BCL11B: variants seen among roughly 807,000 people sequenced by gnomAD.
BCL11B encodes BCL11 transcription factor B.
In BCL11B, 8 loss-of-function variants were observed where a neutral mutation model predicts 49.9. That is an observed-to-expected ratio of 0.16 (90% confidence interval 0.09 to 0.29). The LOEUF is 0.29. Ranked by LOEUF, BCL11B falls within the 10% of genes least tolerant of loss-of-function variation. The probability of loss-of-function intolerance (pLI) is 1.00; values close to 1 mark genes in which losing one functional copy is unlikely to be tolerated. For missense variants in BCL11B, 1,006 were observed against 1,351.0 expected, an observed-to-expected ratio of 0.74 and a Z score of 4.00; for synonymous variants, 739 against 637.4, an observed-to-expected ratio of 1.16 and a Z score of -2.40.
chr14:99,245,996 C>T (rs910196093), intron 2 of BCL11B, among the ~76,000 whole-genome samples: 1 of 152,142 alleles, frequency 6.6e-6, no homozygotes, highest in African/African-American at 2.4e-5. Context: ...CTGCAGAGTG[C>T]TCCGAGGAAG....
chr14:99,261,545 C>G (rs2139962788), intron 1 of BCL11B, among the ~76,000 whole-genome samples: 1 of 152,254 alleles, frequency 6.6e-6, no homozygotes, highest in East Asian at 1.9e-4. Flanking sequence ...CCAATGAAAA[C>G]AGTCTTTCAA....
At chr14:99,260,777 G>A (rs10146840) in intron 1 of BCL11B, among the ~76,000 whole-genome samples, 59,326 of 151,708 alleles carry the variant, frequency 0.39, 12,511 homozygotes, top group East Asian at 0.76. Flanking sequence ...GTCCAAAGCC[G>A]TTTGCTGTGC....
chr14:99,205,414 T>C lies in BCL11B; in HGVS notation c.640+25931A>G, dbSNP rs1887506509. On this transcript the variant is annotated intron_variant, in intron 3 of 3. Transcript: ENST00000357195. This position sits in a 1 kb window ranked among gnomAD's most constrained non-coding sequence, Gnocchi z 5.0. ...TGACGGTTTGGGAAAATTCGCGGAC[T>C]CTCCCAAAGCCTGCATCTCCCACTT... Among the ~76,000 whole-genome samples the C allele has an allele frequency of 1.3e-5, 2 of 152,190 alleles. No homozygotes were observed. The highest frequency in any genetic ancestry group is 4.1e-4 in the South Asian group (2 of 4,820).
At position 99,171,361 on chromosome 14, in the gene BCL11B, G is replaced by T; in HGVS notation, c.*2790C>A. 1 of 218,708 alleles carries T rather than the reference G, an allele frequency of 4.6e-6. No individual in the cohort carries two copies. The highest frequency in any genetic ancestry group is 9.1e-6 in the Non-Finnish European group (1 of 109,502). 13.5% of individuals were successfully genotyped at this position (218,708 alleles called of 1,614,324 possible). A position where few individuals can be genotyped will look rare whatever the true frequency, so the allele number is the denominator to read the frequency against. ...CTTAACATACAAATGTGTTTTTTTT[G>T]CAATATTTTATCCTGCCAAATTAAA... is the stretch of plus-strand genomic sequence containing the variant. On this transcript the variant is annotated 3_prime_UTR_variant, in exon 4 of 4. Transcript: ENST00000357195.
rs752034627 is a variant in BCL11B, at chr14:99,174,388, C to T, written c.2448G>A (p.Arg816=). 25 of 1,613,552 alleles carry T rather than the reference C, an allele frequency of 1.5e-5. No homozygotes were observed. The highest frequency in any genetic ancestry group is 2.2e-5 in the East Asian group (1 of 44,844). ...TGTAAGGCCGCTCGCCGGTGTGGCT[C>T]CGCCGGTGCACCGTCAAGTTGCTGC... ...KNCSNLTVHR[R]SHTGERPYKC... Residue 816 remains arginine, a synonymous_variant, in exon 4 of 4, where the codon CGG becomes CGA. Transcript: ENST00000357195.
At chr14:99,191,900 C>T (rs544775465) in intron 3 of BCL11B, among the ~76,000 whole-genome samples, 1 of 152,280 alleles carries the variant, frequency 6.6e-6, no homozygotes, top group South Asian at 2.1e-4. Context: ...ACAATTTCTG[C>T]TGCGTATGCC....
At chr14:99,207,689 G>A (rs922072997) in intron 3 of BCL11B, among the ~76,000 whole-genome samples, 6 of 152,204 alleles carry the variant, frequency 3.9e-5, no homozygotes, top group African/African-American at 1.4e-4. Flanking sequence ...TGCTGCCTGG[G>A]GGAGCTTTTC....
chr14:99,210,521 G>A (rs1887656753), intron 3 of BCL11B, among the ~76,000 whole-genome samples: 3 of 151,866 alleles, frequency 2.0e-5, no homozygotes, highest in Middle Eastern at 3.4e-3. Context: ...CTCCTCAGCC[G>A]GCCACCTCCC....
chr14:99,210,603 A>G (rs955409071), intron 3 of BCL11B, among the ~76,000 whole-genome samples: 1 of 152,176 alleles, frequency 6.6e-6, no homozygotes, highest in Non-Finnish European at 1.5e-5. Context: ...CCCGAGGACC[A>G]AGAAACTGAC....
chr14:99,201,884 T>G (rs1887394638), intron 3 of BCL11B, among the ~76,000 whole-genome samples: 1 of 152,174 alleles, frequency 6.6e-6, no homozygotes, highest in Admixed American at 6.5e-5. Flanking sequence ...GCTGCACTCT[T>G]CCTCTCTATT....
intron 3 of BCL11B, among the ~76,000 whole-genome samples, chr14:99,215,581 A>G (rs1887810999): frequency 6.6e-6 from 1 of 152,248 alleles, no homozygotes; most frequent in African/African-American, 2.4e-5. Context: ...AGCATAAATG[A>G]AACCAGGCAC....
chr14:99,181,106 A>G (rs1289729508), intron 3 of BCL11B, among the ~76,000 whole-genome samples: 1 of 152,218 alleles, frequency 6.6e-6, no homozygotes, highest in Non-Finnish European at 1.5e-5. Context: ...GGGTCCTCCT[A>G]AGGCCAAGTG....
chr14:99,222,624 C>T (rs913359710), intron 3 of BCL11B, among the ~76,000 whole-genome samples: 1 of 152,346 alleles, frequency 6.6e-6, no homozygotes, highest in East Asian at 1.9e-4. Context: ...TTCTGGTGGA[C>T]TGAGGATCGG....
At chr14:99,244,080 T>A (rs1314111389) in intron 2 of BCL11B, among the ~76,000 whole-genome samples, 2 of 152,074 alleles carry the variant, frequency 1.3e-5, no homozygotes, top group Non-Finnish European at 2.9e-5. Context: ...GGCTACCAGT[T>A]CTCCTCGAGG....
At position 99,169,412 on chromosome 14, in the gene BCL11B, A is replaced by T; in HGVS notation, c.*4739T>A. The T allele has an allele frequency of 1.0e-5, 2 of 196,520 alleles. No homozygotes were observed. The highest frequency in any genetic ancestry group is 1.1e-5 in the Non-Finnish European group (1 of 94,360). The allele number at this position is 196,520 out of a possible 1,614,324, so 12.2% of individuals were successfully genotyped here. A position where few individuals can be genotyped will look rare whatever the true frequency, so the allele number is the denominator to read the frequency against. On this transcript the variant is annotated 3_prime_UTR_variant, in exon 4 of 4. Transcript: ENST00000357195. The stretch of plus-strand genomic sequence containing the variant: ...AACTCAACATTGTGACATTAAGGAA[A>T]AAAAGAGGCCCAAAATCTTGTACAG...
chr14:99,190,152 C>T (rs1297453032), intron 3 of BCL11B, among the ~76,000 whole-genome samples: 1 of 152,260 alleles, frequency 6.6e-6, no homozygotes, highest in African/African-American at 2.4e-5. Flanking sequence ...CTTAAAGCCA[C>T]ATAACATGAT....
rs373113819 is a variant in BCL11B, at chr14:99,261,607, G to A, written c.59-3768C>T. On this transcript the variant is annotated intron_variant, in intron 1 of 3. Transcript: ENST00000357195. ...TCATGCAGCCTTGTCCAGCAAACTC[G>A]GGCCTTAAAAAAATAAAGCCAAGAT... Among the ~76,000 whole-genome samples, 491 of 152,162 alleles carry A rather than the reference G, an allele frequency of 3.2e-3. 3 individuals are homozygous for A. Among genetic ancestry groups the A allele is most frequent in the Non-Finnish European group, 5.7e-3 (390 of 68,008 alleles).
Position 99,271,580 on chromosome 14 carries a change from C to A in BCL11B, c.-362G>T. ...TGGTTTCTTTAAAAATATATTCTTT[C>A]GAAGGAAAAAAAATCTCTTACACTT... is the stretch of plus-strand genomic sequence containing the variant. On this transcript the variant is annotated 5_prime_UTR_variant, in exon 1 of 4. Transcript: ENST00000357195. The A allele has an allele frequency of 5.2e-6, 1 of 190,480 alleles. No individual in the cohort carries two copies. The highest frequency in any genetic ancestry group is 7.7e-5 in the East Asian group (1 of 13,060). The allele number at this position is 190,480 out of a possible 1,614,324, so 11.8% of individuals were successfully genotyped here.
In BCL11B at chr14:99,231,295, ACACCCCGCCATCCCGGGGGCC is replaced by A; in HGVS notation, c.640+29_640+49del. On this transcript the variant is annotated intron_variant, in intron 3 of 3. Transcript: ENST00000357195. This position sits in a 1 kb window ranked among gnomAD's most constrained non-coding sequence, Gnocchi z 8.1. Reference sequence around the variant, plus strand: ...ACCTTGCTCCAGCGCTGCCCATGGCACACCCCGCCATCCCGGGGGCCCGCCCCCCACCGCGGCGTCGTCTGT... The same window carrying A: ...ACCTTGCTCCAGCGCTGCCCATGGCACGCCCCCCACCGCGGCGTCGTCTGT... The A allele has an allele frequency of 6.3e-7, 1 of 1,574,932 alleles. No homozygotes were observed. The highest frequency in any genetic ancestry group is 8.6e-7 in the Non-Finnish European group (1 of 1,159,364).
Sources: allele counts gnomAD v4.1 joint callset (sites outside exome capture counted in the v4.1 genomes callset), GRCh38; gene constraint gnomAD v4.1.1; non-coding constraint Gnocchi (gnomAD v3.1); transcripts MANE v1.5; gene names NCBI Gene and HGNC (gene_info 2026-07-23, HGNC 2026-07-21).